Variants in DBNL observed in about 807,000 individuals in gnomAD.
DBNL encodes the protein drebrin-like protein.
In DBNL, 35 loss-of-function variants were observed where a neutral mutation model predicts 62.2. The ratio of observed to expected loss-of-function variants is 0.56; its 90% confidence interval spans 0.43 to 0.75. The LOEUF is 0.75. Among genes scored for constraint, DBNL ranks in the 30% least tolerant of loss-of-function variants. The pLI, the probability that DBNL is intolerant of heterozygous loss-of-function variation, is 0.00. For missense variants in DBNL, 495 were observed against 578.4 expected (o/e 0.86, Z 1.48); for synonymous variants, 197 against 218.0 (o/e 0.90, Z 0.85).
rs1297535663 is a variant in DBNL, at chr7:44,062,467, C to T, written c.*1551C>T. ...TCACTTGGCCTCTTCTAACTGGCCC[C>T]AAGCACGCCAATTCTGGAGCATGGT... is the stretch of plus-strand genomic sequence containing the variant. On this transcript the variant is annotated 3_prime_UTR_variant, in exon 13 of 13. Transcript: ENST00000448521. 6 of 438,212 alleles carry T rather than the reference C, an allele frequency of 1.4e-5. No individual in the cohort carries two copies. The East Asian group carries it at 2.9e-4, about 21-fold the overall frequency. 27.1% of individuals were successfully genotyped at this position (438,212 alleles called of 1,614,324 possible).
chr7:44,047,956 G>A (rs1162503765), intron 1 of DBNL, among the ~76,000 whole-genome samples: 2 of 122,190 alleles, frequency 1.6e-5, no homozygotes, highest in South Asian at 2.9e-4. Flanking sequence ...TTGCTCTGTC[G>A]CCCAGGCTGG....
chr7:44,044,834 C>A lies in DBNL; in HGVS notation c.83+14C>A. On this transcript the variant is annotated intron_variant, in intron 1 of 12. Coordinates refer to ENST00000448521, the MANE Select transcript of DBNL (RefSeq NM_001014436.3). ...CCCGACCGACTGGTGGGCGGCGAGACGGGCCAGGGTCGGGCCAGGGGCTGC... is the reference window on the plus strand; with the variant it reads ...CCCGACCGACTGGTGGGCGGCGAGAAGGGCCAGGGTCGGGCCAGGGGCTGC... 6.9e-7 allele frequency: 1 copy of A among 1,449,916 alleles called. No homozygotes were observed. Among genetic ancestry groups the A allele is most frequent in the South Asian group, 1.3e-5 (1 of 75,490 alleles). 89.8% of individuals were successfully genotyped at this position (1,449,916 alleles called of 1,614,324 possible). A position where few individuals can be genotyped will look rare whatever the true frequency, so the allele number is the denominator to read the frequency against.
chr7:44,059,227 G>A lies in DBNL; in HGVS notation c.836-127G>A. The A allele has an allele frequency of 9.5e-7, 1 of 1,054,488 alleles. No homozygotes were observed. Among genetic ancestry groups the A allele is most frequent in the Non-Finnish European group, 1.4e-6 (1 of 725,966 alleles). 65.3% of individuals were successfully genotyped at this position (1,054,488 alleles called of 1,614,324 possible). On this transcript the variant is annotated intron_variant, in intron 9 of 12. Coordinates refer to ENST00000448521, the MANE Select transcript of DBNL (RefSeq NM_001014436.3). The surrounding 1 kb of genome is among the most constrained non-coding windows in gnomAD (Gnocchi z 4.1). ...CATAGCACATGGCCCTGGGGCCTCT[G>A]TTCCTGCACTAGCAAGAGCAAGCCC...
At chr7:44,053,473 T>C (rs1206794765) in intron 4 of DBNL, among the ~76,000 whole-genome samples, 3 of 152,196 alleles carry the variant, frequency 2.0e-5, no homozygotes, top group Non-Finnish European at 4.4e-5. Flanking sequence ...AGACTCAGAA[T>C]TTTGATTTCT....
intron 1 of DBNL, among the ~76,000 whole-genome samples, chr7:44,045,369 A>T (rs1021972668): frequency 6.6e-6 from 1 of 152,204 alleles, no homozygotes; most frequent in Non-Finnish European, 1.5e-5. Flanking sequence ...GTGAACGTGG[A>T]CTTCAGAACT....
chr7:44,067,937 A>C lies in DBNL; in HGVS notation c.*7021A>C, dbSNP rs1171448554. 1.3e-5 allele frequency: 2 copies of C among 152,206 alleles called. No homozygotes were observed. The highest frequency in any genetic ancestry group is 2.4e-5 in the African/African-American group (1 of 41,438). 9.4% of individuals were successfully genotyped at this position (152,206 alleles called of 1,614,324 possible). ...AAACCTCAAGTGCACCAACAGAAAG[A>C]GCTCCAGGAAGAATCAGAGGAGTGG... On this transcript the variant is annotated 3_prime_UTR_variant, in exon 13 of 13. Transcript: ENST00000448521.
At chr7:44,057,015 T>G (rs1209348166) in intron 5 of DBNL, 112 bp downstream of exon 5, 2 of 1,473,392 alleles carry the variant, frequency 1.4e-6, no homozygotes, top group African/African-American at 1.4e-5. Flanking sequence ...CCTGCTTAGT[T>G]TCTGCAGATG....
chr7:44,065,877 G>C lies in DBNL; in HGVS notation c.*4961G>C. 2.3e-6 allele frequency: 1 copy of C among 429,106 alleles called. No individual in the cohort carries two copies. Among genetic ancestry groups the C allele is most frequent in the African/African-American group, 2.0e-5 (1 of 49,742 alleles). 26.6% of individuals were successfully genotyped at this position (429,106 alleles called of 1,614,324 possible). A position where few individuals can be genotyped will look rare whatever the true frequency, so the allele number is the denominator to read the frequency against. ...TGGGCCAGGGGAGATGGGGATAGCA[G>C]GGACAGAGGGGCTCTCCAGGGCAAC... is the stretch of plus-strand genomic sequence containing the variant. On this transcript the variant is annotated 3_prime_UTR_variant, in exon 13 of 13. Coordinates refer to ENST00000448521, the MANE Select transcript of DBNL (RefSeq NM_001014436.3).
chr7:44,053,484 C>T (rs2096130140), intron 4 of DBNL, among the ~76,000 whole-genome samples: 1 of 152,156 alleles, frequency 6.6e-6, no homozygotes, highest in South Asian at 2.1e-4. Context: ...TTTGATTTCT[C>T]GTTCTGCCAA....
At position 44,060,261 on chromosome 7, in the gene DBNL, A is replaced by G; in HGVS notation, c.1153+108A>G. The G allele has an allele frequency of 9.7e-7, 1 of 1,035,928 alleles. No homozygotes were observed. The highest frequency in any genetic ancestry group is 1.4e-6 in the Non-Finnish European group (1 of 700,216). 64.2% of individuals were successfully genotyped at this position (1,035,928 alleles called of 1,614,324 possible). ...GGCACCAGGGGGTATCAGGAAGAGA[A>G]GACAGGAGGGTGGGCGGTGCGTTTA... is the stretch of plus-strand genomic sequence containing the variant. On this transcript the variant is annotated intron_variant, in intron 12 of 12. Transcript: ENST00000448521. This position sits in a 1 kb window ranked among gnomAD's most constrained non-coding sequence, Gnocchi z 6.3.
rs757458135 is a variant in DBNL, at chr7:44,051,730, AG to A, written c.140-99del. ...GATTCTGATACAGGTAGAGGTGAGA[AG>A]CCCTGGTTTAGAAGCAGCTCGGCCT... On this transcript the variant is annotated intron_variant, in intron 2 of 12. Coordinates refer to ENST00000448521, the MANE Select transcript of DBNL (RefSeq NM_001014436.3). 43 of 1,027,452 alleles carry A rather than the reference AG, an allele frequency of 4.2e-5. No homozygotes were observed. The East Asian group carries it at 1.0e-3, about 24-fold the overall frequency. 63.6% of individuals were successfully genotyped at this position (1,027,452 alleles called of 1,614,324 possible).
chr7:44,056,885 G>A lies in DBNL; in HGVS notation c.456G>A (p.Val152=), dbSNP rs1263744410. 1.2e-6 allele frequency: 2 copies of A among 1,614,006 alleles called. No individual in the cohort carries two copies. The highest frequency in any genetic ancestry group is 1.7e-6 in the Non-Finnish European group (2 of 1,180,016). The change falls in exon 5 of 13, where the codon GTG becomes GTA. Residue 152 remains valine, a synonymous_variant. Transcript: ENST00000448521. ...FHKESGRFQD[V]GPQAPVGSVY... is the part of the protein sequence containing the mutation. ...AGGAGAGTGGCCGCTTCCAGGACGT[G>A]GGACCCCAGGCCCCAGTGGTGAGTG... is the stretch of plus-strand genomic sequence containing the variant.
At position 44,067,768 on chromosome 7, in the gene DBNL, T is replaced by C. The variant is rs1457241864; in HGVS notation, c.*6852T>C. 2.0e-5 allele frequency: 3 copies of C among 152,132 alleles called. No individual in the cohort carries two copies. Among genetic ancestry groups the C allele is most frequent in the African/African-American group, 7.2e-5 (3 of 41,404 alleles). 9.4% of individuals were successfully genotyped at this position (152,132 alleles called of 1,614,324 possible). A position where few individuals can be genotyped will look rare whatever the true frequency, so the allele number is the denominator to read the frequency against. On this transcript the variant is annotated 3_prime_UTR_variant, in exon 13 of 13. Coordinates refer to ENST00000448521, the MANE Select transcript of DBNL (RefSeq NM_001014436.3). ...AAGGTGGAGGGAGCATCTTCCCATG[T>C]CTCTCCCACTGACAGCCACCAATCC...
Position 44,059,039 on chromosome 7 carries a change from G to C in DBNL, c.835+56G>C. On this transcript the variant is annotated intron_variant, in intron 9 of 12. Transcript: ENST00000448521. This position sits in a 1 kb window ranked among gnomAD's most constrained non-coding sequence, Gnocchi z 4.1. Reference sequence around the variant, plus strand: ...GCAGCAGCAGGCTGAGGGGGAGCCTGGGGTCCTATGTGGGCTCCCCCAAGG... The same window carrying C: ...GCAGCAGCAGGCTGAGGGGGAGCCTCGGGTCCTATGTGGGCTCCCCCAAGG... 5.7e-6 allele frequency: 9 copies of C among 1,585,852 alleles called. No individual in the cohort carries two copies. Among genetic ancestry groups the C allele is most frequent in the Non-Finnish European group, 7.8e-6 (9 of 1,156,450 alleles).
intron 7 of DBNL, 69 bp downstream of exon 7, chr7:44,058,349 A>T: frequency 1.2e-6 from 2 of 1,606,326 alleles, no homozygotes; most frequent in Non-Finnish European, 1.7e-6. Context: ...GCTCCATCCC[A>T]TGGAGGCGAG....
rs539561256 is a variant in DBNL, at chr7:44,050,539, G to T, written c.139+259G>T. 5.6e-4 allele frequency: 212 copies of T among 381,288 alleles called. 2 individuals carry two copies. Among genetic ancestry groups the T allele is most frequent in the South Asian group, 4.8e-3 (186 of 38,930 alleles). 23.6% of individuals were successfully genotyped at this position (381,288 alleles called of 1,614,324 possible). ...AGAGGGAAACAGGCCTCTCCAGCTT[G>T]TGGGCAGCCTGCGTTGGGAGCTGCG... On this transcript the variant is annotated intron_variant, in intron 2 of 12. Transcript: ENST00000448521.
Position 44,065,463 on chromosome 7 carries a change from A to G in DBNL, c.*4547A>G. On this transcript the variant is annotated 3_prime_UTR_variant, in exon 13 of 13. Coordinates refer to ENST00000448521, the MANE Select transcript of DBNL (RefSeq NM_001014436.3). The stretch of plus-strand genomic sequence containing the variant: ...CTCAGCTCTGCATCGAACCAGCCAC[A>G]GAAACGGTTCTCCTGGTTCCATGTG... The G allele has an allele frequency of 6.2e-7, 1 of 1,614,144 alleles. No homozygotes were observed. The highest frequency in any genetic ancestry group is 8.5e-7 in the Non-Finnish European group (1 of 1,180,046).
intron 1 of DBNL, 120 bp from the exon 2 acceptor site, chr7:44,050,105 A>G (rs1165921303): frequency 8.8e-7 from 1 of 1,138,408 alleles, no homozygotes; most frequent in African/African-American, 1.5e-5. Flanking sequence ...GCCTGTGCCC[A>G]CCCACAGTGT....
chr7:44,045,286 C>T (rs2096115077), intron 1 of DBNL, among the ~76,000 whole-genome samples: 1 of 152,260 alleles, frequency 6.6e-6, no homozygotes, highest in South Asian at 2.1e-4. Context: ...GGCCTGGCAG[C>T]CGGGCTGTGA....
Sources: allele counts gnomAD v4.1 joint callset (sites outside exome capture counted in the v4.1 genomes callset), GRCh38; gene constraint gnomAD v4.1.1; non-coding constraint Gnocchi (gnomAD v3.1); transcripts MANE v1.5; gene names NCBI Gene and HGNC (gene_info 2026-07-23, HGNC 2026-07-21).